NAALADL2: variants seen among roughly 807,000 people sequenced by gnomAD.
The protein encoded by NAALADL2 is N-acetylated alpha-linked acidic dipeptidase like 2.
A neutral mutation model predicts 87.2 loss-of-function variants in NAALADL2; 76 were observed. The observed-to-expected ratio is 0.87, with a 90% CI of 0.72 to 1.05. The LOEUF (loss-of-function observed/expected upper bound fraction) is 1.05. NAALADL2 is among the 50% of genes least tolerant of loss of function. NAALADL2 has a pLI of 0.00. For synonymous variants in NAALADL2, 354 were observed against 331.0 expected (o/e 1.07, Z -0.75); for missense variants, 1,089 against 945.8 (o/e 1.15, Z -1.99).
intron 9 of NAALADL2, among the ~76,000 whole-genome samples, chr3:175,504,999 T>C (rs2149378955): frequency 6.6e-6 from 1 of 152,296 alleles, no homozygotes; most frequent in East Asian, 1.9e-4. Context: ...GAGATATATG[T>C]GGAACATTAT....
At chr3:174,898,679 A>G (rs1299152841) in intron 1 of NAALADL2, among the ~76,000 whole-genome samples, 1 of 152,048 alleles carries the variant, frequency 6.6e-6, no homozygotes, top group East Asian at 1.9e-4. Context: ...ATAAAAAATT[A>G]TATAATGTAT....
chr3:175,494,663 A>G (rs1440504126), intron 9 of NAALADL2, among the ~76,000 whole-genome samples: 1 of 152,078 alleles, frequency 6.6e-6, no homozygotes, highest in Non-Finnish European at 1.5e-5. Flanking sequence ...CACTGATGTG[A>G]CTAATACCCA....
intron 1 of NAALADL2, among the ~76,000 whole-genome samples, chr3:175,069,489 A>G (rs1295701574): frequency 2.0e-5 from 3 of 149,576 alleles, no homozygotes. Context: ...TTAGAATGGC[A>G]ATCATTAAAA....
intron 1 of NAALADL2, among the ~76,000 whole-genome samples, chr3:175,056,892 GGTAAA>G (rs1712315020): frequency 6.6e-6 from 1 of 152,154 alleles, no homozygotes; most frequent in Non-Finnish European, 1.5e-5. Flanking sequence ...CCCTCATTCC[GGTAAA>G]CCCACAACCT....
At chr3:174,947,849 AC>A in intron 1 of NAALADL2, among the ~76,000 whole-genome samples, 1 of 152,188 alleles carries the variant, frequency 6.6e-6, no homozygotes, top group Admixed American at 6.5e-5. Context: ...TATTTCAAAG[AC>A]TTGCACTGAG....
At chr3:175,484,173 GT>G (rs2149327067) in intron 9 of NAALADL2, among the ~76,000 whole-genome samples, 1 of 152,066 alleles carries the variant, frequency 6.6e-6, no homozygotes, top group African/African-American at 2.4e-5. Flanking sequence ...TACTTTGAAA[GT>G]TTATCTGTTA....
At chr3:174,447,533 T>A (rs112397794) in intron 1 of NAALADL2, among the ~76,000 whole-genome samples, 436 of 152,180 alleles carry the variant, frequency 2.9e-3, no homozygotes, top group Non-Finnish European at 4.8e-3. Flanking sequence ...AAAAATAAAA[T>A]TTGGCCGGGC....
At chr3:175,405,441 A>G (rs1007747574) in intron 5 of NAALADL2, among the ~76,000 whole-genome samples, 1 of 152,200 alleles carries the variant, frequency 6.6e-6, no homozygotes, top group African/African-American at 2.4e-5. Context: ...ACAAACTTTT[A>G]ATGTTACTGA....
chr3:175,642,288 A>G (rs986780247), intron 11 of NAALADL2, among the ~76,000 whole-genome samples: 3 of 152,188 alleles, frequency 2.0e-5, no homozygotes, highest in African/African-American at 7.2e-5. Context: ...TTTTTACCCT[A>G]TAAGATTTAC....
At chr3:175,213,099 A>C (rs1343408677) in intron 2 of NAALADL2, among the ~76,000 whole-genome samples, 1 of 152,158 alleles carries the variant, frequency 6.6e-6, no homozygotes, top group Non-Finnish European at 1.5e-5. Context: ...AATGCTTTTG[A>C]TTGTAACAGC....
At chr3:174,788,341 G>A (rs1335808621) in intron 3 of NAALADL2, among the ~76,000 whole-genome samples, 1 of 152,158 alleles carries the variant, frequency 6.6e-6, no homozygotes, top group Non-Finnish European at 1.5e-5. Flanking sequence ...ACAAAAGGAC[G>A]CATATTAGTT....
At chr3:175,207,167 T>C (rs1310813278) in intron 2 of NAALADL2, among the ~76,000 whole-genome samples, 1 of 152,148 alleles carries the variant, frequency 6.6e-6, no homozygotes, top group Non-Finnish European at 1.5e-5. Flanking sequence ...AATTAATAGA[T>C]GAATAACAGA....
chr3:174,841,455 A>T (rs1190222998), intron 3 of NAALADL2, among the ~76,000 whole-genome samples: 1 of 152,216 alleles, frequency 6.6e-6, no homozygotes. Context: ...TCGTTTAGTT[A>T]GTATTTGCCA....
intron 5 of NAALADL2, among the ~76,000 whole-genome samples, chr3:175,399,037 C>A (rs1190741088): frequency 1.3e-5 from 2 of 150,594 alleles, no homozygotes; most frequent in African/African-American, 4.9e-5. Context: ...TTTTTTTTAA[C>A]CTAGTTAAAA....
chr3:175,685,245 A>T (rs1736112320), intron 11 of NAALADL2, among the ~76,000 whole-genome samples: 1 of 152,178 alleles, frequency 6.6e-6, no homozygotes, highest in African/African-American at 2.4e-5. Context: ...TGCAGGTCTT[A>T]GCCATGCCCA....
intron 3 of NAALADL2, among the ~76,000 whole-genome samples, chr3:174,836,745 G>A (rs1257754080): frequency 2.7e-5 from 4 of 149,296 alleles, no homozygotes; most frequent in Non-Finnish European, 5.9e-5. Context: ...GCTTAAGAGG[G>A]TAAATTTTAT....
intron 1 of NAALADL2, among the ~76,000 whole-genome samples, chr3:174,867,358 T>A (rs962826711): frequency 3.9e-5 from 6 of 152,018 alleles, no homozygotes; most frequent in Non-Finnish European, 8.8e-5. Flanking sequence ...GTTATCAGAT[T>A]AAATATCATC....
At chr3:175,765,463 A>G (rs1479477986) in intron 13 of NAALADL2, among the ~76,000 whole-genome samples, 4 of 152,130 alleles carry the variant, frequency 2.6e-5, no homozygotes, top group Non-Finnish European at 5.9e-5. Flanking sequence ...TTTAACAGAC[A>G]ACATTCAAAT....
chr3:175,433,890 CA>C (rs1718197395), intron 5 of NAALADL2, among the ~76,000 whole-genome samples: 1 of 151,882 alleles, frequency 6.6e-6, no homozygotes, highest in African/African-American at 2.4e-5. Flanking sequence ...AGACACTTTT[CA>C]ATGATGAAAT....
Sources: gnomAD v4.1 joint callset for allele counts (sites outside exome capture counted in the v4.1 genomes callset) on GRCh38, gnomAD v4.1.1 for gene constraint, MANE v1.5 for transcripts, NCBI Gene and HGNC (gene_info 2026-07-23, HGNC 2026-07-21) for gene names.